The following SLC5A11 variants were observed in gnomAD, a reference collection of about 807,000 sequenced individuals.
SLC5A11 encodes the protein solute carrier family 5 member 11.
SLC5A11 carries 48 observed loss-of-function variants against 69.8 expected under a neutral mutation model. The ratio of observed to expected loss-of-function variants is 0.69; its 90% confidence interval spans 0.55 to 0.87. The LOEUF (loss-of-function observed/expected upper bound fraction) is 0.87, where lower values mean the gene tolerates loss of function less well. SLC5A11 is among the 40% of genes least tolerant of loss of function. The probability of loss-of-function intolerance (pLI) is 0.00; values close to 1 mark genes in which losing one functional copy is unlikely to be tolerated. For synonymous variants in SLC5A11, 319 were observed against 342.4 expected, an observed-to-expected ratio of 0.93 and a Z score of 0.75; for missense variants, 784 against 866.1, an observed-to-expected ratio of 0.91 and a Z score of 1.19.
intron 1 of SLC5A11, among the ~76,000 whole-genome samples, chr16:24,857,941 G>A (rs1000506004): frequency 2.6e-5 from 4 of 152,192 alleles, no homozygotes; most frequent in African/African-American, 7.2e-5. Context: ...TGAGAAAACT[G>A]CTTAGATTAG....
At chr16:24,870,824 C>T (rs1389930342) in intron 4 of SLC5A11, among the ~76,000 whole-genome samples, 1 of 146,856 alleles carries the variant, frequency 6.8e-6, no homozygotes, top group Non-Finnish European at 1.5e-5. Flanking sequence ...AAGAAGAGGG[C>T]TCAGATTCCT....
chr16:24,880,167 TG>T (rs2152329763), intron 7 of SLC5A11, among the ~76,000 whole-genome samples: 1 of 151,236 alleles, frequency 6.6e-6, no homozygotes, highest in African/African-American at 2.4e-5. Flanking sequence ...GGATAATTTA[TG>T]AAAAAAAAAA....
chr16:24,902,122 A>G (rs577551328), intron 10 of SLC5A11, among the ~76,000 whole-genome samples: 2 of 152,160 alleles, frequency 1.3e-5, no homozygotes, highest in Non-Finnish European at 2.9e-5. Context: ...AGAAAAGAGT[A>G]AAAACATAAA....
chr16:24,907,845 C>T lies in SLC5A11; in HGVS notation c.1266-118C>T, dbSNP rs1050707460. 5 of 1,355,776 alleles carry T rather than the reference C, an allele frequency of 3.7e-6. No individual in the cohort carries two copies. The Admixed American group carries it at 9.4e-5, about 25-fold the overall frequency. 84.0% of individuals were successfully genotyped at this position (1,355,776 alleles called of 1,614,324 possible). On this transcript the variant is annotated intron_variant, in intron 12 of 15. Coordinates refer to ENST00000347898, the Ensembl canonical transcript of SLC5A11. ...AGGCTGCAGTGAGCTATGCTCTCAC[C>T]ACTGCACCCCGGCCTTGGCAACAGA...
rs534465980 is a variant in SLC5A11 at position 24,875,159 on chromosome 16, C to T, written c.373-468C>T. Among the ~76,000 whole-genome samples the T allele has an allele frequency of 5.9e-5, 9 of 152,162 alleles. No individual in the cohort carries two copies. In the South Asian group the frequency reaches 8.3e-4, roughly 14 times the overall value. On this transcript the variant is annotated intron_variant, in intron 5 of 15. Coordinates refer to ENST00000347898, the Ensembl canonical transcript of SLC5A11. ...TGGCCTCACAATTAAATCTATTATC[C>T]GCCTAGAATTTGTTTTTGTCTACCA...
In SLC5A11 at chr16:24,906,653, G is replaced by A. The variant is rs765746924; in HGVS notation, c.1007-4G>A. On this transcript the variant is annotated splice_region_variant and splice_polypyrimidine_tract_variant and intron_variant, in intron 10 of 15. Coordinates refer to ENST00000347898, the Ensembl canonical transcript of SLC5A11. ...TCACCTCTGGGCCTGTGTTTCCTTC[G>A]TAGATCAAGTGGCCTGTGCAGATCC... The A allele has an allele frequency of 1.4e-5, 23 of 1,598,886 alleles. No individual in the cohort carries two copies. Among genetic ancestry groups the A allele is most frequent in the African/African-American group, 4.0e-5 (3 of 74,522 alleles).
chr16:24,856,476 G>A (rs1256759109), intron 1 of SLC5A11, among the ~76,000 whole-genome samples: 7 of 151,534 alleles, frequency 4.6e-5, no homozygotes, highest in Admixed American at 2.0e-4. Flanking sequence ...AAAATAGGCC[G>A]GGCGCAGTGG....
At chr16:24,849,659 G>A (rs2059214967) in intron 1 of SLC5A11, among the ~76,000 whole-genome samples, 1 of 139,448 alleles carries the variant, frequency 7.2e-6, no homozygotes, top group African/African-American at 2.7e-5. Flanking sequence ...TGGATGGACA[G>A]GTCTGGGCTC....
At chr16:24,865,054 GGAGA>G (rs144428488) in intron 3 of SLC5A11, among the ~76,000 whole-genome samples, 3 of 151,940 alleles carry the variant, frequency 2.0e-5, no homozygotes, top group African/African-American at 7.3e-5. Context: ...CCAGAGGAGA[GGAGA>G]GAGAGAGAAA....
chr16:24,894,448 C>T (rs996304171), intron 9 of SLC5A11, among the ~76,000 whole-genome samples: 1 of 152,190 alleles, frequency 6.6e-6, no homozygotes, highest in South Asian at 2.1e-4. Flanking sequence ...CCCACATATT[C>T]AGGTTGCATT....
chr16:24,875,264 G>A (rs557211629), intron 5 of SLC5A11, among the ~76,000 whole-genome samples: 27 of 152,246 alleles, frequency 1.8e-4, no homozygotes, highest in African/African-American at 5.8e-4. Context: ...CTGCACCCGC[G>A]ACCTCCTGAG....
chr16:24,853,486 C>T (rs2059401112), intron 1 of SLC5A11, among the ~76,000 whole-genome samples: 1 of 151,924 alleles, frequency 6.6e-6, no homozygotes, highest in Admixed American at 6.6e-5. Flanking sequence ...AATAAATGTT[C>T]CACTAAGTCC....
intron 7 of SLC5A11, among the ~76,000 whole-genome samples, chr16:24,878,831 T>C (rs2047857108): frequency 6.6e-6 from 1 of 152,080 alleles, no homozygotes; most frequent in Non-Finnish European, 1.5e-5. Context: ...TCAGGAGTTC[T>C]AGACCAGCCT....
intron 8 of SLC5A11, among the ~76,000 whole-genome samples, chr16:24,890,573 T>A (rs946678547): frequency 1.7e-4 from 25 of 148,790 alleles, no homozygotes; most frequent in African/African-American, 6.3e-4. Flanking sequence ...GAAACTTGGA[T>A]AGATACATTC....
At chr16:24,898,516 T>C (rs1031060379) in intron 10 of SLC5A11, among the ~76,000 whole-genome samples, 1 of 151,450 alleles carries the variant, frequency 6.6e-6, no homozygotes, top group African/African-American at 2.4e-5. Context: ...AGTCCTTTTT[T>C]TTTTTTTGCA....
chr16:24,891,199 A>G, intron 9 of SLC5A11, 125 bp downstream of exon 10: 1 of 843,438 alleles, frequency 1.2e-6, no homozygotes, highest in South Asian at 1.7e-5. Flanking sequence ...TTCCTTGACT[A>G]CTTCCTCCTT....
chr16:24,858,074 T>A (rs1002328127), intron 1 of SLC5A11, among the ~76,000 whole-genome samples: 9 of 152,224 alleles, frequency 5.9e-5, no homozygotes, highest in Non-Finnish European at 2.9e-5. Flanking sequence ...AAAATGGGGA[T>A]GATAACAATA....
chr16:24,880,361 G>A (rs2047959438), intron 7 of SLC5A11, among the ~76,000 whole-genome samples: 1 of 152,024 alleles, frequency 6.6e-6, no homozygotes, highest in Admixed American at 6.6e-5. Flanking sequence ...TTTTTGAGAT[G>A]GAGACTTACT....
intron 3 of SLC5A11, among the ~76,000 whole-genome samples, chr16:24,867,312 C>G (rs2152286453): frequency 6.6e-6 from 1 of 152,192 alleles, no homozygotes; most frequent in East Asian, 1.9e-4. Context: ...TTAGAAAATA[C>G]TTTGAGATTA....
Sources: gnomAD v4.1 joint callset for allele counts (sites outside exome capture counted in the v4.1 genomes callset) on GRCh38, gnomAD v4.1.1 for gene constraint, MANE v1.5 for transcripts, NCBI Gene and HGNC (gene_info 2026-07-23, HGNC 2026-07-21) for gene names.